LAMB1: variants seen among roughly 807,000 people sequenced by gnomAD.
LAMB1 encodes laminin subunit beta-1.
In LAMB1, 121 loss-of-function variants were observed where a neutral mutation model predicts 222.3. The observed-to-expected ratio is 0.54, with a 90% confidence interval of 0.47 to 0.63. The LOEUF is 0.63. LAMB1 is among the 30% of genes least tolerant of loss of function. LAMB1 has a pLI of 0.00. For missense variants in LAMB1, 2,172 were observed against 2,240.8 expected, an observed-to-expected ratio of 0.97 and a Z score of 0.62; for synonymous variants, 794 against 807.2, an observed-to-expected ratio of 0.98 and a Z score of 0.28.
rs762825391 is a variant in LAMB1 at position 107,966,351 on chromosome 7, T to C, written c.1563-1664A>G. On this transcript the variant is annotated intron_variant, in intron 13 of 33. Transcript: ENST00000222399. ...TCAGCCTCCTGAGTAGCTGGGACTA[T>C]AGGCGACTGCCACCATGCCTGGCTA... Among the ~76,000 whole-genome samples, 9 of 151,990 alleles carry C rather than the reference T, an allele frequency of 5.9e-5. No homozygotes were observed. In the East Asian group the frequency reaches 9.8e-4, roughly 17 times the overall value.
chr7:107,955,866 G>A (rs2033364504), intron 20 of LAMB1, among the ~76,000 whole-genome samples: 1 of 151,976 alleles, frequency 6.6e-6, no homozygotes, highest in South Asian at 2.1e-4. Flanking sequence ...CCAAGTAGCT[G>A]GGACTACAGG....
At chr7:107,955,708 G>A (rs1225411612) in intron 20 of LAMB1, 78 bp from the exon 21 acceptor site, 1 of 1,342,602 alleles carries the variant, frequency 7.4e-7, no homozygotes, top group African/African-American at 1.5e-5. Context: ...CTTGAAAACT[G>A]TTCTGTTTGG....
intron 7 of LAMB1, among the ~76,000 whole-genome samples, chr7:107,982,729 GC>G (rs2033997812): frequency 6.6e-6 from 1 of 152,136 alleles, no homozygotes; most frequent in Non-Finnish European, 1.5e-5. Context: ...TAAAAAGCGA[GC>G]CTCATCTTGA....
chr7:107,964,598 GT>G lies in LAMB1; in HGVS notation c.1651del (p.Thr551ProfsTer20). On this transcript the variant is annotated frameshift_variant, in exon 14 of 34. Coordinates refer to ENST00000222399, the MANE Select transcript of LAMB1 (RefSeq NM_002291.3). LOFTEE classifies it high-confidence loss of function. ...NEVEPGYYFA[T>X]LDHYLYEAEE... ...CGCTTCATAGAGGTAGTGATCCAGG[GT>G]GGCAAAGTAGTAACCAGGTTCCACT... 1 of 1,614,160 alleles carries G rather than the reference GT, an allele frequency of 6.2e-7. No individual in the cohort carries two copies. Among genetic ancestry groups the G allele is most frequent in the East Asian group, 2.2e-5 (1 of 44,876 alleles).
chr7:107,994,915 T>C lies in LAMB1; in HGVS notation c.395A>G (p.His132Arg). The change falls in exon 5 of 34, where the codon CAT (histidine) becomes CGT (arginine). Residue 132 changes from histidine to arginine, a missense_variant. Transcript: ENST00000222399. ...TIQLDLEAEF[H>R]FTHLIMTFKT... ...GAAAGTCATTATGAGATGAGTAAAA[T>C]GGAATTCTGCTTCCAAATCCAGTTG... 1.1e-5 allele frequency: 17 copies of C among 1,604,560 alleles called. No individual in the cohort carries two copies. The highest frequency in any genetic ancestry group is 1.3e-5 in the Non-Finnish European group (15 of 1,171,802).
Position 107,935,513 on chromosome 7 carries a change from C to T in LAMB1, c.4090G>A (p.Glu1364Lys), listed in dbSNP as rs2032826700. 6.2e-7 allele frequency: 1 copy of T among 1,613,864 alleles called. No individual in the cohort carries two copies. Among genetic ancestry groups the T allele is most frequent in the Non-Finnish European group, 8.5e-7 (1 of 1,180,000 alleles). ...TCTTGTTTTTCCTTGAACTGGGATTCTCGCTCCATCATCACGTCTTCTACT... is the reference window on the plus strand; with the variant it reads ...TCTTGTTTTTCCTTGAACTGGGATTTTCGCTCCATCATCACGTCTTCTACT... ...DRVEDVMMER[E>K]SQFKEKQEEQ... Residue 1364 changes from glutamate (E) to lysine (K), a missense_variant, in exon 27 of 34, where the codon GAA becomes AAA. Transcript: ENST00000222399.
At chr7:107,962,002 C>T (rs1346484584) in intron 15 of LAMB1, among the ~76,000 whole-genome samples, 2 of 152,164 alleles carry the variant, frequency 1.3e-5, no homozygotes, top group Non-Finnish European at 2.9e-5. Context: ...CTTTACTAAT[C>T]CTAGTATTTT....
At chr7:107,943,385 A>G (rs1269863768) in intron 24 of LAMB1, among the ~76,000 whole-genome samples, 4 of 152,250 alleles carry the variant, frequency 2.6e-5, no homozygotes, top group East Asian at 1.9e-4. Context: ...AAACCACTAC[A>G]TTAATCGATT....
rs536806509 is a variant in LAMB1, at chr7:107,961,703, G to A, written c.1858-27C>T. 64 of 1,603,368 alleles carry A rather than the reference G, an allele frequency of 4.0e-5. No homozygotes were observed. The South Asian group carries it at 6.7e-4, about 17-fold the overall frequency. ...TAGAATAAGAAACAAACAATGAAAA[G>A]ATAGTTAGCCCACCACTGCCTGTTT... On this transcript the variant is annotated intron_variant, in intron 15 of 33. Transcript: ENST00000222399.
chr7:107,924,987 A>G (rs2032525923), intron 32 of LAMB1, among the ~76,000 whole-genome samples: 1 of 152,184 alleles, frequency 6.6e-6, no homozygotes, highest in Non-Finnish European at 1.5e-5. Flanking sequence ...TTCTCTTGTG[A>G]TAAAATGTCA....
chr7:107,973,183 A>G (rs906852644), intron 12 of LAMB1, 112 bp from the exon 13 acceptor site: 18 of 867,730 alleles, frequency 2.1e-5, no homozygotes, highest in Non-Finnish European at 3.3e-5. Flanking sequence ...GCTCATTTTC[A>G]TCATTAAAGC....
chr7:107,952,342 G>A (rs921061288), intron 22 of LAMB1, 119 bp from the exon 23 acceptor site: 4 of 724,860 alleles, frequency 5.5e-6, no homozygotes, highest in Middle Eastern at 2.7e-4. Context: ...GAAATGCAAA[G>A]AAGGAAAGAA....
At position 107,932,224 on chromosome 7, in the gene LAMB1, C is replaced by T; in HGVS notation, c.4342G>A (p.Asp1448Asn). ...GCCAGGGCACTCAGGACATCTTGGT[C>T]CAAGTCCATGGCTTTCTGCCAGGCG... ...HNAWQKAMDL[D>N]QDVLSALAEV... is the part of the protein sequence containing the mutation. Residue 1448 changes from aspartate to asparagine, a missense_variant, in exon 28 of 34, where the codon GAC (aspartate) becomes AAC (asparagine). Physicochemically the swap from Asp to Asn is conservative, Grantham distance 23 (BLOSUM62 1). Coordinates refer to ENST00000222399, the MANE Select transcript of LAMB1 (RefSeq NM_002291.3). 1 of 1,614,224 alleles carries T rather than the reference C, an allele frequency of 6.2e-7. No homozygotes were observed. Among genetic ancestry groups the T allele is most frequent in the Non-Finnish European group, 8.5e-7 (1 of 1,180,042 alleles).
intron 7 of LAMB1, among the ~76,000 whole-genome samples, chr7:107,981,035 G>A (rs531512167): frequency 6.6e-6 from 1 of 152,240 alleles, no homozygotes; most frequent in African/African-American, 2.4e-5. Context: ...ATGTCGGCCG[G>A]GCGTGGTAGC....
intron 4 of LAMB1, among the ~76,000 whole-genome samples, chr7:107,997,678 T>C (rs1389944567): frequency 6.6e-6 from 1 of 152,198 alleles, no homozygotes; most frequent in African/African-American, 2.4e-5. Flanking sequence ...AACTCTACCT[T>C]TATTCCCCAA....
chr7:107,941,706 G>A (rs370527811), intron 24 of LAMB1, among the ~76,000 whole-genome samples: 10 of 150,100 alleles, frequency 6.7e-5, no homozygotes, highest in Non-Finnish European at 1.5e-4. Context: ...TCAGGCTGGA[G>A]TACAATGGCG....
Position 107,975,689 on chromosome 7 carries a change from G to T in LAMB1, c.1189C>A (p.Arg397=). The T allele has an allele frequency of 6.2e-7, 1 of 1,609,272 alleles. No homozygotes were observed. The highest frequency in any genetic ancestry group is 1.1e-5 in the South Asian group (1 of 90,560). ...RDIRDPNFCE[R]CTCDPAGSQN... ...CAGTGAGTGACATTTCTCAACATAC[G>T]TTCACAGAAATTAGGATCTCGGATG... is the stretch of plus-strand genomic sequence containing the variant. Residue 397 remains arginine, a splice_region_variant and synonymous_variant, in exon 10 of 34, where the codon CGA becomes AGA. Transcript: ENST00000222399.
intron 27 of LAMB1, 75 bp from the exon 28 acceptor site, chr7:107,932,452 G>C (rs2032737080): frequency 6.8e-7 from 1 of 1,460,654 alleles, no homozygotes; most frequent in Admixed American, 1.7e-5. Context: ...TGCAGGGCCT[G>C]GGTGGCCCCA....
chr7:107,959,754 C>T lies in LAMB1; in HGVS notation c.2395G>A (p.Val799Ile). The part of the protein sequence containing the change: ...GGQCQCRPNV[V>I]GRTCNRCAPG... ...GCACATCTGTTGCAGGTTCTTCCAA[C>T]CACGTTGGGCCGGCACTGGCACTGG... The change falls in exon 19 of 34, where the codon GTT becomes ATT. Residue 799 changes from valine to isoleucine, a missense_variant. Transcript: ENST00000222399. 31 of 1,614,184 alleles carry T rather than the reference C, an allele frequency of 1.9e-5. No homozygotes were observed. Among genetic ancestry groups the T allele is most frequent in the Non-Finnish European group, 2.6e-5 (31 of 1,180,032 alleles).
Sources: allele counts gnomAD v4.1 joint callset (sites outside exome capture counted in the v4.1 genomes callset), GRCh38; gene constraint gnomAD v4.1.1; transcripts MANE v1.5; gene names NCBI Gene and HGNC (gene_info 2026-07-23, HGNC 2026-07-21).